The following SEPHS1 variants were observed in gnomAD, a reference collection of about 807,000 sequenced individuals.
The protein encoded by SEPHS1 is selenophosphate synthetase 1.
SEPHS1 carries 7 observed loss-of-function variants against 39.2 expected under a neutral mutation model. The observed-to-expected ratio is 0.18, with a 90% confidence interval of 0.10 to 0.34. The LOEUF (loss-of-function observed/expected upper bound fraction) is 0.34. Among genes scored for constraint, SEPHS1 ranks in the 10% least tolerant of loss-of-function variants. The pLI is 1.00. For synonymous variants in SEPHS1, 190 were observed against 195.5 expected, an observed-to-expected ratio of 0.97 and a Z score of 0.23; for missense variants, 253 against 514.5, an observed-to-expected ratio of 0.49 and a Z score of 4.92.
chr10:13,326,707 G>A (rs563579865), intron 7 of SEPHS1, among the ~76,000 whole-genome samples: 17 of 152,066 alleles, frequency 1.1e-4, no homozygotes, highest in African/African-American at 3.9e-4. Context: ...ACCAGGCGCA[G>A]CTAAAGAGAC....
At chr10:13,334,815 C>T (rs1833578961) in intron 4 of SEPHS1, among the ~76,000 whole-genome samples, 1 of 152,228 alleles carries the variant, frequency 6.6e-6, no homozygotes. Flanking sequence ...GCCCAGACAC[C>T]AACATTGTCT....
chr10:13,322,874 T>A lies in SEPHS1; in HGVS notation c.925A>T (p.Met309Leu), dbSNP rs1217496940. Residue 309 changes from methionine to leucine, a missense_variant, in exon 8 of 9, where the codon ATG (methionine) becomes TTG (leucine). Around this residue, in one of 4 missense-constraint regions of SEPHS1, gnomAD observed 107 missense variants for 257.1 expected, o/e 0.42. Coordinates refer to ENST00000327347, the MANE Select transcript of SEPHS1 (RefSeq NM_012247.5). ...CAGGTCCCGTGCATGAGGCCGAACA[T>A]GTTTCCGCAGGCCTTGCTCACCGCA... ...MAAVSKACGNMFGLMHGTCPE... is the reference protein window; with the variant it reads ...MAAVSKACGNLFGLMHGTCPE... 6.2e-7 allele frequency: 1 copy of A among 1,613,960 alleles called. No homozygotes were observed. The highest frequency in any genetic ancestry group is 1.1e-5 in the South Asian group (1 of 91,070).
intron 4 of SEPHS1, among the ~76,000 whole-genome samples, chr10:13,334,458 T>C (rs914148835): frequency 1.3e-5 from 2 of 152,120 alleles, no homozygotes; most frequent in Admixed American, 1.3e-4. Context: ...GGAGAATCGC[T>C]TGAACCTGGG....
intron 2 of SEPHS1, among the ~76,000 whole-genome samples, chr10:13,340,108 G>C (rs1473541173): frequency 2.0e-5 from 3 of 152,030 alleles, no homozygotes; most frequent in African/African-American, 2.4e-5. Context: ...AATATTCTGC[G>C]TAAGTGAAAG....
chr10:13,325,951 A>T, intron 7 of SEPHS1, among the ~76,000 whole-genome samples: 2 of 73,190 alleles, frequency 2.7e-5, no homozygotes, highest in African/African-American at 1.0e-4. Context: ...AGTCTCAAAA[A>T]AAAAAAAAAA....
rs369528467 is a variant in SEPHS1, at chr10:13,329,207, C to T, written c.651+491G>A. Among the ~76,000 whole-genome samples the T allele has an allele frequency of 2.7e-3, 415 of 152,158 alleles. 1 individual carries two copies. The highest frequency in any genetic ancestry group is 5.2e-3 in the Admixed American group (80 of 15,280). On this transcript the variant is annotated intron_variant, in intron 6 of 8. Transcript: ENST00000327347. Reference sequence around the variant, plus strand: ...GACATATCCTCATTATAGATAGATTCATTCTGCACAAGAGAATTATTTATC... The same window carrying T: ...GACATATCCTCATTATAGATAGATTTATTCTGCACAAGAGAATTATTTATC...
chr10:13,326,603 A>AGG (rs1833302133), intron 7 of SEPHS1, among the ~76,000 whole-genome samples: 1 of 149,386 alleles, frequency 6.7e-6, no homozygotes, highest in Non-Finnish European at 1.5e-5. Context: ...GCTGAAGCGT[A>AGG]GGGGTATGAT....
intron 3 of SEPHS1, among the ~76,000 whole-genome samples, chr10:13,337,764 C>T (rs3802581): frequency 0.035 from 5,323 of 152,270 alleles, 136 homozygotes; most frequent in East Asian, 0.082. Context: ...TCATGTGGGA[C>T]CTGGGCTGTG....
At chr10:13,343,366 C>CA (rs1476068970) in intron 2 of SEPHS1, among the ~76,000 whole-genome samples, 1 of 152,154 alleles carries the variant, frequency 6.6e-6, no homozygotes, top group Non-Finnish European at 1.5e-5. Flanking sequence ...CTGAGCTCCT[C>CA]AAAGTCCTGC....
chr10:13,322,309 T>TC (rs1833141958), intron 8 of SEPHS1, among the ~76,000 whole-genome samples: 1 of 151,006 alleles, frequency 6.6e-6, no homozygotes, highest in Non-Finnish European at 1.5e-5. Context: ...GCCCAGCTAC[T>TC]TTTTTTTTGT....
Position 13,344,253 on chromosome 10 carries a change from G to T in SEPHS1, c.193+505C>A, listed in dbSNP as rs567890201. ...ACCGCCTTTCCTAGGGCAATGAAGG[G>T]AATGTGAGCATTTTAGGAGTCCTTT... On this transcript the variant is annotated intron_variant, in intron 2 of 8. Transcript: ENST00000327347. 2.6e-5 allele frequency among the ~76,000 whole-genome samples: 4 copies of T among 152,316 alleles called. No homozygotes were observed. In the East Asian group the frequency reaches 7.7e-4, roughly 29 times the overall value.
chr10:13,334,966 T>A (rs1833583463), intron 4 of SEPHS1, among the ~76,000 whole-genome samples: 1 of 152,184 alleles, frequency 6.6e-6, no homozygotes, highest in Non-Finnish European at 1.5e-5. Context: ...AAGGCTTGGC[T>A]GCAGGCTACG....
At chr10:13,324,070 G>A (rs750399594) in intron 7 of SEPHS1, among the ~76,000 whole-genome samples, 5 of 152,176 alleles carry the variant, frequency 3.3e-5, no homozygotes, top group Non-Finnish European at 7.3e-5. Flanking sequence ...CAAATCCTCA[G>A]TGCTCTGCTC....
intron 5 of SEPHS1, among the ~76,000 whole-genome samples, chr10:13,331,808 G>C (rs1174417603): frequency 6.6e-6 from 1 of 152,246 alleles, no homozygotes; most frequent in African/African-American, 2.4e-5. Context: ...GGCCTCATCA[G>C]TCATCAGGCA....
At chr10:13,340,164 TCA>T (rs1044160693) in intron 2 of SEPHS1, among the ~76,000 whole-genome samples, 4 of 152,046 alleles carry the variant, frequency 2.6e-5, no homozygotes, top group African/African-American at 9.7e-5. Context: ...GCAGCAGACC[TCA>T]CAGAGGCGGG....
rs1476003525 is a variant in SEPHS1, at chr10:13,318,264, T to G, written c.*878A>C. The G allele has an allele frequency of 6.6e-6, 1 of 152,592 alleles. No individual in the cohort carries two copies. Among genetic ancestry groups the G allele is most frequent in the Non-Finnish European group, 1.5e-5 (1 of 68,026 alleles). The allele number at this position is 152,592 out of a possible 1,614,324, so 9.5% of individuals were successfully genotyped here. On this transcript the variant is annotated 3_prime_UTR_variant, in exon 9 of 9. Coordinates refer to ENST00000327347, the MANE Select transcript of SEPHS1 (RefSeq NM_012247.5). ...AAGAAAACAAAAGGCCTGAAATCACTGTACAAAATAGAAAATGTATTAAAC... is the reference window on the plus strand; with the variant it reads ...AAGAAAACAAAAGGCCTGAAATCACGGTACAAAATAGAAAATGTATTAAAC...
chr10:13,345,025 C>A lies in SEPHS1; in HGVS notation c.-75G>T. On this transcript the variant is annotated 5_prime_UTR_variant, in exon 2 of 9. Transcript: ENST00000327347. ...CGGGTTGGCTGGGTTCTTTATGGATCCACCTGGGTGTCACCAAAACACAAA... is the reference window on the plus strand; with the variant it reads ...CGGGTTGGCTGGGTTCTTTATGGATACACCTGGGTGTCACCAAAACACAAA... 1 of 1,304,982 alleles carries A rather than the reference C, an allele frequency of 7.7e-7. No individual in the cohort carries two copies. The highest frequency in any genetic ancestry group is 1.0e-6 in the Non-Finnish European group (1 of 989,156). The allele number at this position is 1,304,982 out of a possible 1,614,324, so 80.8% of individuals were successfully genotyped here. A position where few individuals can be genotyped will look rare whatever the true frequency, so the allele number is the denominator to read the frequency against.
chr10:13,336,384 CG>C (rs1833635147), intron 3 of SEPHS1, 34 bp from the exon 4 acceptor site: 1 of 1,506,240 alleles, frequency 6.6e-7, no homozygotes, highest in Admixed American at 1.7e-5. Context: ...AAAGGACGAC[CG>C]GGGACTTTCC....
chr10:13,335,261 C>T (rs982669687), intron 4 of SEPHS1, among the ~76,000 whole-genome samples: 28 of 152,244 alleles, frequency 1.8e-4, no homozygotes, highest in Non-Finnish European at 3.8e-4. Flanking sequence ...ACGTCCACGA[C>T]ATCCCCAGCC....
Sources: gnomAD v4.1 joint callset for allele counts (sites outside exome capture counted in the v4.1 genomes callset) on GRCh38, gnomAD v4.1.1 for gene constraint, gnomAD v4.1.1 regional missense constraint, MANE v1.5 for transcripts, NCBI Gene and HGNC (gene_info 2026-07-23, HGNC 2026-07-21) for gene names.